PCDHA10: variants seen among roughly 807,000 people sequenced by gnomAD.
The protein encoded by PCDHA10 is protocadherin alpha 10.
In PCDHA10, 45 loss-of-function variants were observed where a neutral mutation model predicts 61.2. That is an observed-to-expected ratio of 0.74 (90% confidence interval 0.58 to 0.94). PCDHA10 has a LOEUF of 0.94. Among genes scored for constraint, PCDHA10 ranks in the 40% least tolerant of loss-of-function variants. The pLI, the probability that PCDHA10 is intolerant of heterozygous loss-of-function variation, is 0.00. For missense variants in PCDHA10, 1,278 were observed against 1,236.2 expected (o/e 1.03, Z -0.51); for synonymous variants, 602 against 548.8 (o/e 1.10, Z -1.35).
chr5:140,998,594 T>A (rs1396456161), intron 3 of PCDHA10, among the ~76,000 whole-genome samples: 4 of 152,076 alleles, frequency 2.6e-5, no homozygotes, highest in Non-Finnish European at 5.9e-5. Context: ...GACAGAGTTT[T>A]GCTCTTGTTG....
chr5:140,947,083 A>T (rs1268359945), intron 1 of PCDHA10, among the ~76,000 whole-genome samples: 1 of 151,728 alleles, frequency 6.6e-6, no homozygotes, highest in African/African-American at 2.4e-5. Context: ...TTGAAACATC[A>T]GACTGTAGCC....
chr5:140,877,243 G>A lies in PCDHA10; in HGVS notation c.2388+18807G>A, dbSNP rs201483899. ...GCGGTCGGTGGGTGCGGGCCACGTG[G>A]TGGCGAAAGTGCGCGCGGTGGACGC... On this transcript the variant is annotated intron_variant, in intron 1 of 3. Transcript: ENST00000307360. The A allele has an allele frequency of 1.2e-5, 20 of 1,613,724 alleles. No individual in the cohort carries two copies. In the African/African-American group the frequency reaches 2.7e-4, roughly 22 times the overall value.
chr5:141,003,167 C>T (rs1160809977), intron 3 of PCDHA10, among the ~76,000 whole-genome samples: 1 of 152,180 alleles, frequency 6.6e-6, no homozygotes, highest in Non-Finnish European at 1.5e-5. Context: ...AATCCTAGTC[C>T]CTGAGGCTCA....
intron 1 of PCDHA10, chr5:140,927,032 C>T: frequency 6.2e-7 from 1 of 1,612,120 alleles, no homozygotes; most frequent in Non-Finnish European, 8.5e-7. Context: ...AGGCTGCCAG[C>T]GGCCGCTATG....
intron 1 of PCDHA10, chr5:140,871,041 T>G (rs782091626): frequency 6.2e-7 from 1 of 1,613,310 alleles, no homozygotes; most frequent in South Asian, 1.1e-5. Flanking sequence ...GCCACCGACT[T>G]CTAGTACTGG....
chr5:140,977,383 G>A (rs2096759264), intron 1 of PCDHA10, among the ~76,000 whole-genome samples: 1 of 152,134 alleles, frequency 6.6e-6, no homozygotes, highest in Non-Finnish European at 1.5e-5. Context: ...ATATTTCCAG[G>A]TTTATAAAAT....
intron 3 of PCDHA10, among the ~76,000 whole-genome samples, chr5:140,991,619 A>G (rs1554252338): frequency 1.3e-5 from 2 of 152,206 alleles, no homozygotes; most frequent in African/African-American, 4.8e-5. Context: ...CTTTAATGCC[A>G]TATTTGTAAT....
chr5:140,857,362 C>A lies in PCDHA10; in HGVS notation c.1314C>A (p.Ala438=). The A allele has an allele frequency of 1.3e-6, 2 of 1,598,452 alleles. No homozygotes were observed. ...GCTCGCCTCCGCTGTGGGCCACGGC[C>A]AGCGTGTCTGTGGAGGTGGCCGACG... ...DGGSPPLWAT[A]SVSVEVADVN... is the part of the protein sequence containing the mutation. Residue 438 remains alanine, a synonymous_variant, in exon 1 of 4, where the codon GCC becomes GCA. Coordinates refer to ENST00000307360, the MANE Select transcript of PCDHA10 (RefSeq NM_018901.4).
At chr5:140,886,101 A>G (rs1554182351) in intron 1 of PCDHA10, among the ~76,000 whole-genome samples, 1 of 152,228 alleles carries the variant, frequency 6.6e-6, no homozygotes, top group Admixed American at 6.5e-5. Context: ...ACATTGATAC[A>G]GTAAAGAAGT....
In PCDHA10 at chr5:140,944,191, G is replaced by T. The variant is rs181232402; in HGVS notation, c.2389-34758G>T. The stretch of plus-strand genomic sequence containing the variant: ...GGCTGGTTTTTTGTTGGTTTGTTTT[G>T]TTTTGTTTTGTTTTTAAAGAGGGTT... On this transcript the variant is annotated intron_variant, in intron 1 of 3. Coordinates refer to ENST00000307360, the MANE Select transcript of PCDHA10 (RefSeq NM_018901.4). 9.2e-5 allele frequency among the ~76,000 whole-genome samples: 14 copies of T among 152,098 alleles called. No individual in the cohort carries two copies. The East Asian group carries it at 2.5e-3, about 27-fold the overall frequency.
At chr5:140,877,910 T>A in intron 1 of PCDHA10, 2 of 1,431,310 alleles carry the variant, frequency 1.4e-6, no homozygotes, top group African/African-American at 2.9e-5. Flanking sequence ...AACTACATTC[T>A]CTCATTTTTC....
intron 1 of PCDHA10, among the ~76,000 whole-genome samples, chr5:140,897,497 G>C (rs1554187423): frequency 6.6e-6 from 1 of 152,010 alleles, no homozygotes; most frequent in Admixed American, 6.6e-5. Flanking sequence ...TTTCAACCAT[G>C]TCCCTACAAA....
At chr5:140,982,602 G>A (rs1554244640) in intron 3 of PCDHA10, 39 bp downstream of exon 3, 2 of 1,607,914 alleles carry the variant, frequency 1.2e-6, no homozygotes, top group African/African-American at 2.7e-5. Context: ...CTTGGTTTCT[G>A]GAAAGTGATC....
intron 1 of PCDHA10, among the ~76,000 whole-genome samples, chr5:140,903,721 C>A (rs2070530222): frequency 6.6e-6 from 1 of 152,152 alleles, no homozygotes; most frequent in Non-Finnish European, 1.5e-5. Flanking sequence ...ACAATTCTCC[C>A]TATTATCAAT....
chr5:140,956,678 A>C (rs1442214825), intron 1 of PCDHA10, among the ~76,000 whole-genome samples: 2 of 152,104 alleles, frequency 1.3e-5, no homozygotes, highest in Non-Finnish European at 2.9e-5. Context: ...GTTAGGGAGG[A>C]GTACCTCCTT....
intron 2 of PCDHA10, 171 bp from the exon 3 acceptor site, chr5:140,982,304 C>G: frequency 8.0e-7 from 1 of 1,244,768 alleles, no homozygotes. Context: ...AGCAATGCTT[C>G]TGCAGTTTAT....
chr5:140,903,902 A>G lies in PCDHA10; in HGVS notation c.2388+45466A>G, dbSNP rs548056424. Among the ~76,000 whole-genome samples the G allele has an allele frequency of 5.9e-5, 9 of 152,370 alleles. No individual in the cohort carries two copies. The South Asian group carries it at 1.9e-3, about 32-fold the overall frequency. On this transcript the variant is annotated intron_variant, in intron 1 of 3. Transcript: ENST00000307360. ...ACATTGAATCTTGACCTGTTTGTCA[A>G]TGATGTGACTTCCTTGCTGCATTGG...
chr5:140,873,656 A>G (rs1364222797), intron 1 of PCDHA10, among the ~76,000 whole-genome samples: 2 of 152,120 alleles, frequency 1.3e-5, no homozygotes, highest in Non-Finnish European at 2.9e-5. Flanking sequence ...TACATAACAC[A>G]CTATTATTAT....
chr5:140,971,451 T>C (rs1442240847), intron 1 of PCDHA10, among the ~76,000 whole-genome samples: 2 of 152,110 alleles, frequency 1.3e-5, no homozygotes, highest in East Asian at 1.9e-4. Flanking sequence ...GCTCCAGAAA[T>C]TTTTGCAGTT....
Sources: gnomAD v4.1 joint callset for allele counts (sites outside exome capture counted in the v4.1 genomes callset) on GRCh38, gnomAD v4.1.1 for gene constraint, MANE v1.5 for transcripts, NCBI Gene and HGNC (gene_info 2026-07-23, HGNC 2026-07-21) for gene names.